The following SHANK2 variants were observed in gnomAD, a reference collection of about 807,000 sequenced individuals.
The protein encoded by SHANK2 is SH3 and multiple ankyrin repeat domains 2.
SHANK2 carries 43 observed loss-of-function variants against 133.7 expected under a neutral mutation model. That is an observed-to-expected ratio of 0.32 (90% CI 0.25 to 0.41). The LOEUF is 0.41. SHANK2 is among the 10% of genes least tolerant of loss of function. The pLI is 1.00. For missense variants in SHANK2, 1,994 were observed against 2,235.8 expected (o/e 0.89, Z 2.18); for synonymous variants, 1,017 against 952.8 (o/e 1.07, Z -1.24).
intron 15 of SHANK2, among the ~76,000 whole-genome samples, chr11:70,679,340 G>A (rs1384522173): frequency 4.6e-5 from 7 of 152,240 alleles, no homozygotes; most frequent in African/African-American, 1.7e-4. Flanking sequence ...CAACCCCCGA[G>A]GCCAACTGCA....
rs75009732 is a variant in SHANK2, at chr11:70,672,440, C to G, written c.1854-10762G>C. On this transcript the variant is annotated intron_variant, in intron 15 of 25. Coordinates refer to ENST00000601538, the MANE Select transcript of SHANK2 (RefSeq NM_012309.5). The stretch of plus-strand genomic sequence containing the variant: ...TTTTGTGATCTGATTCATGCCCCTT[C>G]TCCTCCTGACTCCTCCCATTCCAGC... Among the ~76,000 whole-genome samples, 3 of 152,248 alleles carry G rather than the reference C, an allele frequency of 2.0e-5. No homozygotes were observed. The South Asian group carries it at 6.2e-4, about 31-fold the overall frequency.
chr11:70,770,915 C>CTTTTTTTTTTTTT (rs71467419), intron 14 of SHANK2, among the ~76,000 whole-genome samples: 3 of 92,824 alleles, frequency 3.2e-5, no homozygotes, highest in Non-Finnish European at 4.0e-5. Flanking sequence ...CTCTTACTTC[C>CTTTTTTTTTTTTT]TTTTTTTTTT....
intron 2 of SHANK2, among the ~76,000 whole-genome samples, chr11:71,180,012 G>T (rs1953525149): frequency 6.6e-6 from 1 of 152,186 alleles, no homozygotes; most frequent in South Asian, 2.1e-4. Context: ...GCCAATTAAG[G>T]TTACAGGACT....
chr11:70,579,218 C>T (rs1262673971), intron 17 of SHANK2, among the ~76,000 whole-genome samples: 1 of 152,182 alleles, frequency 6.6e-6, no homozygotes, highest in Non-Finnish European at 1.5e-5. Context: ...CTGTGCTGGG[C>T]GTGGGGCATC....
At chr11:71,233,198 C>T (rs1954772650) in intron 1 of SHANK2, among the ~76,000 whole-genome samples, 1 of 151,994 alleles carries the variant, frequency 6.6e-6, no homozygotes, top group African/African-American at 2.4e-5. Flanking sequence ...TCATAACAGC[C>T]CAAAAGTGGA....
At chr11:71,136,460 G>A (rs1183202283) in intron 3 of SHANK2, among the ~76,000 whole-genome samples, 10 of 152,208 alleles carry the variant, frequency 6.6e-5, no homozygotes, top group African/African-American at 9.6e-5. Context: ...AATGCAGAGC[G>A]TGGAATGATG....
intron 11 of SHANK2, among the ~76,000 whole-genome samples, chr11:70,877,331 A>T (rs1357865642): frequency 1.3e-5 from 2 of 152,236 alleles, no homozygotes; most frequent in Non-Finnish European, 2.9e-5. Flanking sequence ...ACCTCACATA[A>T]GCCAAGAGGC....
intron 14 of SHANK2, among the ~76,000 whole-genome samples, chr11:70,760,024 G>A (rs1482279470): frequency 1.1e-4 from 16 of 152,242 alleles, no homozygotes; most frequent in Admixed American, 7.8e-4. Context: ...GACCGGCTCT[G>A]CCGGTTTACA....
At chr11:70,896,617 T>C (rs1365163345) in intron 10 of SHANK2, 50 bp from the exon 11 acceptor site, 4 of 716,072 alleles carry the variant, frequency 5.6e-6, no homozygotes, top group Non-Finnish European at 1.0e-5. Context: ...AGAACAATGA[T>C]TTCTGCATAT....
intron 2 of SHANK2, among the ~76,000 whole-genome samples, chr11:71,205,258 C>T (rs1225106613): frequency 6.6e-6 from 1 of 152,224 alleles, no homozygotes; most frequent in Non-Finnish European, 1.5e-5. Flanking sequence ...CAGTCACCAC[C>T]CCGCATCCAG....
chr11:70,866,025 G>T (rs1266587739), intron 11 of SHANK2, among the ~76,000 whole-genome samples: 1 of 152,142 alleles, frequency 6.6e-6, no homozygotes, highest in Non-Finnish European at 1.5e-5. Flanking sequence ...TTAGTGGGGG[G>T]CTGCCTGGCT....
intron 11 of SHANK2, among the ~76,000 whole-genome samples, chr11:70,857,421 C>T (rs534512985): frequency 7.9e-5 from 12 of 152,294 alleles, no homozygotes; most frequent in Admixed American, 2.6e-4. Context: ...GAGGCTAAGC[C>T]CTCCCAGGCT....
intron 14 of SHANK2, among the ~76,000 whole-genome samples, chr11:70,743,194 C>T (rs1451164611): frequency 6.6e-6 from 1 of 152,208 alleles, no homozygotes; most frequent in Non-Finnish European, 1.5e-5. Context: ...GCAGGAGCTG[C>T]AGGAGCTAGA....
In SHANK2 at chr11:70,599,925, A is replaced by AAGAT. The variant is rs1378395578; in HGVS notation, c.2061+59902_2061+59903insATCT. ...AGAAAGAGAAAGAAAGAAAGAAAGAAAGAAAGAAAGAAAGAAAGAAAGAAA... is the reference window on the plus strand; with the variant it reads ...AGAAAGAGAAAGAAAGAAAGAAAGAAAGATAGAAAGAAAGAAAGAAAGAAAGAAA... On this transcript the variant is annotated intron_variant, in intron 17 of 25. Coordinates refer to ENST00000601538, the MANE Select transcript of SHANK2 (RefSeq NM_012309.5). 2.2e-4 allele frequency among the ~76,000 whole-genome samples: 25 copies of AAGAT among 114,042 alleles called. 1 individual carries two copies. Among genetic ancestry groups the AAGAT allele is most frequent in the African/African-American group, 1.2e-3 (25 of 20,380 alleles). 74.8% of individuals were successfully genotyped at this position (114,042 alleles called of 152,430 possible). A position where few individuals can be genotyped will look rare whatever the true frequency, so the allele number is the denominator to read the frequency against.
intron 1 of SHANK2, among the ~76,000 whole-genome samples, chr11:71,247,760 C>T (rs1954981755): frequency 1.3e-5 from 2 of 152,196 alleles, no homozygotes; most frequent in African/African-American, 4.8e-5. Context: ...TTGGAATCTG[C>T]AGCCTCAGAT....
chr11:71,141,903 G>A (rs1289717081), intron 3 of SHANK2, among the ~76,000 whole-genome samples: 3 of 151,798 alleles, frequency 2.0e-5, no homozygotes. Context: ...AAGCCACAGG[G>A]ACCCCGCACA....
At chr11:70,787,039 C>T (rs1308405697) in intron 14 of SHANK2, among the ~76,000 whole-genome samples, 4 of 151,604 alleles carry the variant, frequency 2.6e-5, no homozygotes, top group African/African-American at 7.3e-5. Context: ...CCATCATCAC[C>T]AAGATCACCA....
At chr11:70,937,621 C>G (rs1486156692) in intron 10 of SHANK2, among the ~76,000 whole-genome samples, 1 of 151,910 alleles carries the variant, frequency 6.6e-6, no homozygotes, top group African/African-American at 2.4e-5. Flanking sequence ...ATTCTGCTAT[C>G]AAAGATCACG....
intron 14 of SHANK2, among the ~76,000 whole-genome samples, chr11:70,719,840 C>G (rs1183389878): frequency 6.6e-6 from 1 of 151,606 alleles, no homozygotes; most frequent in Non-Finnish European, 1.5e-5. Flanking sequence ...TTGGAGACAC[C>G]CTATCTTGCC....
Sources: allele counts gnomAD v4.1 joint callset (sites outside exome capture counted in the v4.1 genomes callset), GRCh38; gene constraint gnomAD v4.1.1; transcripts MANE v1.5; gene names NCBI Gene and HGNC (gene_info 2026-07-23, HGNC 2026-07-21).